Variants in ATG10 observed in about 807,000 individuals in gnomAD.
ATG10 encodes the protein autophagy related 10, also known as ubiquitin-like-conjugating enzyme ATG10.
Under a neutral mutation model 32.1 loss-of-function variants are expected in ATG10, and 30 were observed. The observed-to-expected ratio is 0.94, with a 90% CI of 0.70 to 1.27. The LOEUF is 1.27. Ranked by LOEUF, ATG10 falls within the 50% of genes most tolerant of loss-of-function variation. The pLI is 0.00. For missense variants in ATG10, 233 were observed against 262.3 expected (o/e 0.89, Z 0.77); for synonymous variants, 87 against 91.5 (o/e 0.95, Z 0.28).
chr5:81,986,955 A>G (rs1761294595), intron 1 of ATG10, among the ~76,000 whole-genome samples: 1 of 152,060 alleles, frequency 6.6e-6, no homozygotes, highest in African/African-American at 2.4e-5. Flanking sequence ...AGGTGGGACA[A>G]TCACTTGAAC....
intron 1 of ATG10, among the ~76,000 whole-genome samples, chr5:81,982,885 G>A (rs568306534): frequency 2.6e-5 from 4 of 152,216 alleles, no homozygotes; most frequent in African/African-American, 7.2e-5. Context: ...TGGGGGTAGG[G>A]TCACAGATCA....
intron 3 of ATG10, among the ~76,000 whole-genome samples, chr5:82,068,616 G>A (rs552914237): frequency 6.7e-6 from 1 of 149,722 alleles, no homozygotes; most frequent in South Asian, 2.1e-4. Context: ...TCAAACTTTA[G>A]GTGGCTCTTT....
chr5:82,163,878 GT>G (rs1743465156), intron 3 of ATG10, among the ~76,000 whole-genome samples: 1 of 152,136 alleles, frequency 6.6e-6, no homozygotes, highest in African/African-American at 2.4e-5. Flanking sequence ...ATCATCTCAG[GT>G]TTTGAAATAT....
Position 81,990,319 on chromosome 5 carries a change from C to T in ATG10, c.108+2641C>T, listed in dbSNP as rs555529136. On this transcript the variant is annotated intron_variant, in intron 2 of 7. Transcript: ENST00000282185. ...TTCCTTGGGGACTTTGCCTTTTCAC[C>T]AGTTTTTTTTCTTTAAGAAATTTTT... Among the ~76,000 whole-genome samples the T allele has an allele frequency of 2.0e-5, 3 of 152,160 alleles. No individual in the cohort carries two copies. The South Asian group carries it at 6.2e-4, about 32-fold the overall frequency.
intron 5 of ATG10, among the ~76,000 whole-genome samples, chr5:82,231,971 C>A (rs1264756828): frequency 6.6e-6 from 1 of 152,138 alleles, no homozygotes; most frequent in Non-Finnish European, 1.5e-5. Context: ...TGGCACCATT[C>A]TAAAAAGTAA....
At chr5:81,991,378 A>G (rs1457931371) in intron 2 of ATG10, among the ~76,000 whole-genome samples, 1 of 152,154 alleles carries the variant, frequency 6.6e-6, no homozygotes, top group Admixed American at 6.5e-5. Flanking sequence ...CATATATTTA[A>G]AGTGTGTAAT....
chr5:82,082,819 C>G (rs1764529790), intron 3 of ATG10, among the ~76,000 whole-genome samples: 1 of 152,078 alleles, frequency 6.6e-6, no homozygotes, highest in South Asian at 2.1e-4. Context: ...GTCTTAGAAA[C>G]TATGTTTGTA....
intron 3 of ATG10, among the ~76,000 whole-genome samples, chr5:82,110,304 G>T (rs542032424): frequency 2.8e-4 from 43 of 152,078 alleles, no homozygotes; most frequent in African/African-American, 1.0e-3. Context: ...TATTCCTTTG[G>T]GTATATACCC....
intron 3 of ATG10, among the ~76,000 whole-genome samples, chr5:82,125,834 G>A (rs559565982): frequency 1.3e-5 from 2 of 152,270 alleles, no homozygotes; most frequent in South Asian, 4.1e-4. Flanking sequence ...AGCTTGATGG[G>A]AATAGCGTTG....
At chr5:82,176,805 G>T (rs1006360975) in intron 4 of ATG10, among the ~76,000 whole-genome samples, 1 of 152,118 alleles carries the variant, frequency 6.6e-6, no homozygotes, top group Non-Finnish European at 1.5e-5. Context: ...ACATGGAAAT[G>T]TCAATGGAAT....
chr5:82,157,389 A>G (rs963491717), intron 3 of ATG10, among the ~76,000 whole-genome samples: 1 of 152,142 alleles, frequency 6.6e-6, no homozygotes, highest in Admixed American at 6.6e-5. Context: ...GAACCCGCTG[A>G]TATGTACCAT....
At chr5:81,989,692 G>T (rs776374196) in intron 2 of ATG10, among the ~76,000 whole-genome samples, 1 of 151,658 alleles carries the variant, frequency 6.6e-6, no homozygotes, top group African/African-American at 2.4e-5. Flanking sequence ...TCCGCTTCCC[G>T]GGTTCAGCCA....
intron 3 of ATG10, among the ~76,000 whole-genome samples, chr5:82,071,466 C>T (rs1165365809): frequency 6.6e-6 from 1 of 152,154 alleles, no homozygotes; most frequent in East Asian, 1.9e-4. Context: ...TGCAGGAGCA[C>T]ACCTTGGGTG....
At chr5:82,032,711 T>C (rs913903472) in intron 2 of ATG10, among the ~76,000 whole-genome samples, 1 of 151,406 alleles carries the variant, frequency 6.6e-6, no homozygotes, top group Non-Finnish European at 1.5e-5. Flanking sequence ...GGATTTGACT[T>C]CAAAACTTCT....
chr5:82,034,875 T>C (rs183741673), intron 2 of ATG10, among the ~76,000 whole-genome samples: 1 of 152,304 alleles, frequency 6.6e-6, no homozygotes, highest in African/African-American at 2.4e-5. Flanking sequence ...CTATCATTTT[T>C]AATCTTTCTT....
intron 2 of ATG10, among the ~76,000 whole-genome samples, chr5:82,011,687 C>G (rs1184928792): frequency 6.6e-6 from 1 of 152,216 alleles, no homozygotes; most frequent in African/African-American, 2.4e-5. Flanking sequence ...TTCTCCACTT[C>G]CTGATGGTTC....
intron 2 of ATG10, among the ~76,000 whole-genome samples, chr5:82,050,285 T>G (rs1313122579): frequency 2.0e-5 from 3 of 152,102 alleles, no homozygotes; most frequent in Admixed American, 1.3e-4. Flanking sequence ...TTCTCATGGT[T>G]ACCCCTGTAA....
intron 3 of ATG10, among the ~76,000 whole-genome samples, chr5:82,095,668 G>A (rs1410415236): frequency 6.6e-6 from 1 of 152,034 alleles, no homozygotes; most frequent in Non-Finnish European, 1.5e-5. Flanking sequence ...CTTCTTGGCC[G>A]CTCTTCCTTC....
chr5:82,074,644 G>A (rs530889578), intron 3 of ATG10, among the ~76,000 whole-genome samples: 1 of 152,274 alleles, frequency 6.6e-6, no homozygotes, highest in East Asian at 1.9e-4. Context: ...CAGCTACAAA[G>A]CATCTTCTCC....
Sources: gnomAD v4.1 joint callset for allele counts (sites outside exome capture counted in the v4.1 genomes callset) on GRCh38, gnomAD v4.1.1 for gene constraint, MANE v1.5 for transcripts, NCBI Gene and HGNC (gene_info 2026-07-23, HGNC 2026-07-21) for gene names.